Variants in ZNF570 observed in about 807,000 individuals in gnomAD.
The protein encoded by ZNF570 is zinc finger protein 570.
Under a neutral mutation model 14.2 loss-of-function variants are expected in ZNF570, and 8 were observed. The observed-to-expected ratio is 0.56, with a 90% CI of 0.33 to 1.02. The LOEUF (loss-of-function observed/expected upper bound fraction) is 1.02, where lower values mean the gene tolerates loss of function less well. Among genes scored for constraint, ZNF570 ranks in the 50% least tolerant of loss-of-function variants. The probability of loss-of-function intolerance (pLI) is 0.03; values close to 1 mark genes in which losing one functional copy is unlikely to be tolerated. For synonymous variants in ZNF570, 202 were observed against 207.6 expected (o/e 0.97, Z 0.23); for missense variants, 559 against 624.9 (o/e 0.89, Z 1.12).
chr19:37,469,324 T>C (rs1031947444), upstream of ZNF570: 6 of 1,413,186 alleles, frequency 4.2e-6, no homozygotes, highest in African/African-American at 7.2e-5. Context: ...GGCGGCCCCT[T>C]TGTGTCCTCC....
Position 37,482,448 on chromosome 19 carries a change from G to A in ZNF570, c.257-1431G>A, listed in dbSNP as rs568918933. On this transcript the variant is annotated intron_variant, in intron 4 of 4. Transcript: ENST00000330173. Reference sequence around the variant, plus strand: ...CCAGGAGTGCATGAGAGATGGGGGAGGTGCCACACACTTTTAAAGGACCAG... The same window carrying A: ...CCAGGAGTGCATGAGAGATGGGGGAAGTGCCACACACTTTTAAAGGACCAG... 5.3e-5 allele frequency among the ~76,000 whole-genome samples: 8 copies of A among 152,270 alleles called. No individual in the cohort carries two copies. In the East Asian group the frequency reaches 1.6e-3, roughly 30 times the overall value.
chr19:37,481,196 C>T (rs111588444), intron 4 of ZNF570, among the ~76,000 whole-genome samples: 1 of 151,694 alleles, frequency 6.6e-6, no homozygotes, highest in Non-Finnish European at 1.5e-5. Flanking sequence ...CACTGTCACC[C>T]GGGCTGGAGT....
At chr19:37,483,482 T>A (rs2042109787) in intron 4 of ZNF570, among the ~76,000 whole-genome samples, 1 of 152,224 alleles carries the variant, frequency 6.6e-6, no homozygotes, top group African/African-American at 2.4e-5. Context: ...GGTAAAGATC[T>A]TTGTTTTGTG....
chr19:37,479,622 A>T (rs951193226), intron 4 of ZNF570, among the ~76,000 whole-genome samples: 17 of 152,132 alleles, frequency 1.1e-4, no homozygotes, highest in African/African-American at 3.9e-4. Flanking sequence ...TGGTAAATAC[A>T]TAAATTTTTT....
chr19:37,472,477 C>T (rs1306078944), intron 2 of ZNF570, among the ~76,000 whole-genome samples: 4 of 152,114 alleles, frequency 2.6e-5, no homozygotes, highest in Non-Finnish European at 5.9e-5. Context: ...CACGGTGACT[C>T]ACGCCTGTAA....
In ZNF570 at chr19:37,485,380, C is replaced by T; in HGVS notation, c.*147C>T. On this transcript the variant is annotated 3_prime_UTR_variant, in exon 5 of 5. Coordinates refer to ENST00000330173, the MANE Select transcript of ZNF570 (RefSeq NM_144694.5). Reference sequence around the variant, plus strand: ...TTTTTGCTACCTTTAAATCCATTTCCCACAATGCACTCAAACGGATCTTTT... The same window carrying T: ...TTTTTGCTACCTTTAAATCCATTTCTCACAATGCACTCAAACGGATCTTTT... 9.5e-6 allele frequency: 7 copies of T among 736,954 alleles called. No homozygotes were observed. Among genetic ancestry groups the T allele is most frequent in the Non-Finnish European group, 1.4e-5 (7 of 495,140 alleles). 45.7% of individuals were successfully genotyped at this position (736,954 alleles called of 1,614,324 possible).
chr19:37,469,496 G>A lies in ZNF570; in HGVS notation c.-113G>A. 2 of 1,536,516 alleles carry A rather than the reference G, an allele frequency of 1.3e-6. No individual in the cohort carries two copies. Among genetic ancestry groups the A allele is most frequent in the Non-Finnish European group, 1.7e-6 (2 of 1,146,916 alleles). ...CTGCAGGTCGGGAGTGGGCTGAGGA[G>A]TGGCGTGTGGGTCTCCGGAAGCTCG... is the stretch of plus-strand genomic sequence containing the variant. On this transcript the variant is annotated 5_prime_UTR_variant, in exon 1 of 5. It adds an upstream start codon to the 5' untranslated region. Transcript: ENST00000330173.
chr19:37,481,106 T>C (rs546051659), intron 4 of ZNF570, among the ~76,000 whole-genome samples: 177 of 152,298 alleles, frequency 1.2e-3, no homozygotes, highest in African/African-American at 4.0e-3. Flanking sequence ...TATATGATAG[T>C]TTTGCTGTCA....
chr19:37,481,176 TG>T (rs1275471706), intron 4 of ZNF570, among the ~76,000 whole-genome samples: 3 of 151,408 alleles, frequency 2.0e-5, no homozygotes, highest in African/African-American at 7.3e-5. Flanking sequence ...TTTTTTGAGA[TG>T]GAGTCTTGCA....
chr19:37,473,109 G>T (rs1422238736), intron 2 of ZNF570, among the ~76,000 whole-genome samples: 1 of 152,118 alleles, frequency 6.6e-6, no homozygotes, highest in Non-Finnish European at 1.5e-5. Flanking sequence ...GAGTGAGCAT[G>T]GGGAAGGAGA....
At chr19:37,482,872 C>T (rs10420722) in intron 4 of ZNF570, among the ~76,000 whole-genome samples, 1 of 148,268 alleles carries the variant, frequency 6.7e-6, no homozygotes. Context: ...TCCCCCTCCC[C>T]CCCTTTCTCC....
intron 2 of ZNF570, among the ~76,000 whole-genome samples, chr19:37,474,060 G>A (rs1173678168): frequency 6.6e-6 from 1 of 152,144 alleles, no homozygotes; most frequent in Non-Finnish European, 1.5e-5. Flanking sequence ...AGGGGAAGTC[G>A]TTCTCTCAGC....
upstream of ZNF570, chr19:37,467,959 C>G (rs1303561213): frequency 6.5e-7 from 1 of 1,535,800 alleles, no homozygotes; most frequent in South Asian, 1.2e-5. Context: ...ATTTCATGAC[C>G]CGGGATCGTG....
chr19:37,485,062 T>C lies in ZNF570; in HGVS notation c.1440T>C (p.Ser480=), dbSNP rs1312728239. 3 of 1,613,260 alleles carry C rather than the reference T, an allele frequency of 1.9e-6. No homozygotes were observed. Among genetic ancestry groups the C allele is most frequent in the African/African-American group, 2.7e-5 (2 of 74,642 alleles). Residue 480 remains serine (S), a synonymous_variant, in exon 5 of 5, where the codon AGT becomes AGC. Coordinates refer to ENST00000330173, the MANE Select transcript of ZNF570 (RefSeq NM_144694.5). ...GTACTGTTTGTGGAAAGGCTTTTAG[T>C]TACTGTGGATCCCTTGCCCAACATC... ...YECTVCGKAF[S]YCGSLAQHQR...
intron 1 of ZNF570, chr19:37,469,789 A>G (rs2041924273): frequency 3.4e-6 from 2 of 580,488 alleles, no homozygotes; most frequent in Non-Finnish European, 6.1e-6. Context: ...GGTATGGGAA[A>G]GGGTGCCCGT....
At chr19:37,477,214 TGTG>T (rs2042035708) in intron 4 of ZNF570, among the ~76,000 whole-genome samples, 2 of 151,668 alleles carry the variant, frequency 1.3e-5, no homozygotes, top group South Asian at 2.1e-4. Flanking sequence ...TGTTTATTGT[TGTG>T]GTGCGAGAGA....
chr19:37,485,290 A>G lies in ZNF570; in HGVS notation c.*57A>G. The G allele has an allele frequency of 1.4e-6, 2 of 1,452,194 alleles. No individual in the cohort carries two copies. Among genetic ancestry groups the G allele is most frequent in the Non-Finnish European group, 1.8e-6 (2 of 1,094,656 alleles). The allele number at this position is 1,452,194 out of a possible 1,614,324, so 90.0% of individuals were successfully genotyped here. A position where few individuals can be genotyped will look rare whatever the true frequency, so the allele number is the denominator to read the frequency against. On this transcript the variant is annotated 3_prime_UTR_variant, in exon 5 of 5. Coordinates refer to ENST00000330173, the MANE Select transcript of ZNF570 (RefSeq NM_144694.5). The stretch of plus-strand genomic sequence containing the variant: ...ACTGTTTTTTATCTTTAATGTTGTC[A>G]CCTTGGTCTGATTCATCTCACTCTG...
rs569881032 is a variant in ZNF570 at position 37,488,412 on chromosome 19, A to G, written c.*3179A>G. 4.7e-4 allele frequency: 71 copies of G among 152,350 alleles called. No individual in the cohort carries two copies. The highest frequency in any genetic ancestry group is 1.7e-3 in the African/African-American group (70 of 41,592). 9.4% of individuals were successfully genotyped at this position (152,350 alleles called of 1,614,324 possible). ...ATAAAAAGGATCTAAAAGAATTAAT[A>G]AAATAATCATCAGATTCAGAACAGT... On this transcript the variant is annotated 3_prime_UTR_variant, in exon 5 of 5. Coordinates refer to ENST00000330173, the MANE Select transcript of ZNF570 (RefSeq NM_144694.5).
At chr19:37,467,822 G>T (rs2041873864), upstream of ZNF570, 1 of 1,490,754 alleles carries the variant, frequency 6.7e-7, no homozygotes, top group African/African-American at 1.4e-5. Flanking sequence ...GCGACCTTTT[G>T]TGTGACCATG....
Sources: gnomAD v4.1 joint callset for allele counts (sites outside exome capture counted in the v4.1 genomes callset) on GRCh38, gnomAD v4.1.1 for gene constraint, MANE v1.5 for transcripts, NCBI Gene and HGNC (gene_info 2026-07-23, HGNC 2026-07-21) for gene names.